The following PTPN18 variants were observed in gnomAD, a reference collection of about 807,000 sequenced individuals.
PTPN18 encodes the protein tyrosine-protein phosphatase non-receptor type 18.
PTPN18 carries 65 observed loss-of-function variants against 65.4 expected under a neutral mutation model. The ratio of observed to expected loss-of-function variants is 0.99; its 90% CI spans 0.81 to 1.22. PTPN18 has a LOEUF of 1.22. Among genes scored for constraint, PTPN18 ranks in the 50% most tolerant of loss-of-function variants. PTPN18 has a pLI of 0.00. For synonymous variants in PTPN18, 255 were observed against 267.8 expected (o/e 0.95, Z 0.47); for missense variants, 616 against 646.5 (o/e 0.95, Z 0.51).
chr2:130,371,142 C>G, intron 11 of PTPN18, 57 bp from the exon 12 acceptor site: 1 of 1,489,328 alleles, frequency 6.7e-7, no homozygotes, highest in Non-Finnish European at 9.3e-7. Context: ...CCCAGAGCCC[C>G]TTGAGAGGCC....
At chr2:130,369,300 C>A in intron 6 of PTPN18, 99 bp downstream of exon 6, 2 of 1,111,874 alleles carry the variant, frequency 1.8e-6, no homozygotes, top group South Asian at 2.7e-5. Context: ...ACTCATACTG[C>A]AGGAAACCCT....
chr2:130,373,316 G>A lies in PTPN18; in HGVS notation c.*92G>A. ...GCGCCGTGCGCAGAATGGAAACAGT[G>A]GGCCTGGATCAAAGTTAAAGTTTCT... On this transcript the variant is annotated 3_prime_UTR_variant, in exon 15 of 15. Transcript: ENST00000175756. The surrounding 1 kb of genome is among the most constrained non-coding windows in gnomAD (Gnocchi z 4.1). The A allele has an allele frequency of 4.7e-6, 6 of 1,266,036 alleles. No homozygotes were observed. Among genetic ancestry groups the A allele is most frequent in the East Asian group, 2.6e-5 (1 of 38,074 alleles). 78.4% of individuals were successfully genotyped at this position (1,266,036 alleles called of 1,614,324 possible). A position where few individuals can be genotyped will look rare whatever the true frequency, so the allele number is the denominator to read the frequency against.
At chr2:130,359,049 G>A (rs989401986) in intron 2 of PTPN18, 74 bp downstream of exon 2, 13 of 1,518,322 alleles carry the variant, frequency 8.6e-6, no homozygotes, top group Non-Finnish European at 1.2e-5. Flanking sequence ...GTGTGCACTG[G>A]AGTCACCCAC....
At position 130,372,339 on chromosome 2, in the gene PTPN18, G is replaced by T; in HGVS notation, c.1096G>T (p.Ala366Ser). ...VVQKRGAPAG[A>S]GSGTQTGTGT... ...GCAGAAGCGCGGGGCTCCAGCGGGC[G>T]CCGGGAGTGGGACGCAGACGGGGAC... The change falls in exon 13 of 15, where the codon GCC becomes TCC. Residue 366 changes from alanine (A) to serine (S), a missense_variant. Ala to Ser is a moderately conservative substitution (Grantham distance 99). Coordinates refer to ENST00000175756, the MANE Select transcript of PTPN18 (RefSeq NM_014369.4). 7.1e-6 allele frequency: 10 copies of T among 1,414,542 alleles called. No individual in the cohort carries two copies. The highest frequency in any genetic ancestry group is 8.2e-6 in the Non-Finnish European group (9 of 1,093,434). The allele number at this position is 1,414,542 out of a possible 1,614,324, so 87.6% of individuals were successfully genotyped here. A position where few individuals can be genotyped will look rare whatever the true frequency, so the allele number is the denominator to read the frequency against.
intron 1 of PTPN18, among the ~76,000 whole-genome samples, chr2:130,356,421 C>T (rs1679973066): frequency 6.6e-6 from 1 of 152,264 alleles, no homozygotes; most frequent in African/African-American, 2.4e-5. Flanking sequence ...CGTCCACGGC[C>T]AGGCCGGGAC....
chr2:130,361,658 G>A (rs571180471), intron 5 of PTPN18, among the ~76,000 whole-genome samples: 1 of 151,352 alleles, frequency 6.6e-6, no homozygotes, highest in Non-Finnish European at 1.5e-5. Context: ...CGCGATCTTG[G>A]CTCACTGCAA....
Position 130,372,377 on chromosome 2 carries a change from G to T in PTPN18, c.1134G>T (p.Thr378=). ...CGCAGACGGGGACGGGGACGGGGAC[G>T]GGGGCGCGCAGCGCGGAGGAGGCGC... ...SGTQTGTGTG[T]GARSAEEAPL... Residue 378 remains threonine, a synonymous_variant, in exon 13 of 15, where the codon ACG becomes ACT. Coordinates refer to ENST00000175756, the MANE Select transcript of PTPN18 (RefSeq NM_014369.4). The T allele has an allele frequency of 7.3e-7, 1 of 1,369,126 alleles. No homozygotes were observed. Among genetic ancestry groups the T allele is most frequent in the Non-Finnish European group, 9.4e-7 (1 of 1,066,938 alleles). The allele number at this position is 1,369,126 out of a possible 1,614,324, so 84.8% of individuals were successfully genotyped here.
At chr2:130,356,689 C>A (rs774811606) in intron 1 of PTPN18, 2 of 455,830 alleles carry the variant, frequency 4.4e-6, no homozygotes, top group East Asian at 1.4e-4. Context: ...GCGTCCGGGC[C>A]CGAATCCGCT....
At chr2:130,370,851 C>A (rs761229832) in intron 10 of PTPN18, 24 bp from the exon 11 acceptor site, 1 of 1,613,432 alleles carries the variant, frequency 6.2e-7, no homozygotes, top group African/African-American at 1.3e-5. Flanking sequence ...GCCTTCCCTT[C>A]TTGATGGTCC....
intron 5 of PTPN18, chr2:130,362,351 G>T: frequency 3.5e-6 from 1 of 285,508 alleles, no homozygotes; most frequent in Non-Finnish European, 6.9e-6. Context: ...CAATAATGTT[G>T]GGTTTAAACC....
intron 5 of PTPN18, among the ~76,000 whole-genome samples, chr2:130,361,441 T>C (rs1320246794): frequency 6.6e-6 from 1 of 152,188 alleles, no homozygotes; most frequent in African/African-American, 2.4e-5. Flanking sequence ...AATGACTCTT[T>C]ATTTGTTAAT....
In PTPN18 at chr2:130,358,881, C is replaced by T. The variant is rs1412222208; in HGVS notation, c.108C>T (p.Cys36=). The T allele has an allele frequency of 2.5e-6, 4 of 1,613,326 alleles. No homozygotes were observed. Among genetic ancestry groups the T allele is most frequent in the Middle Eastern group, 1.7e-4 (1 of 6,056 alleles). ...LAGEFSDIQA[C]SAAWKADGVC... ...TGCTCTACCAGGACATCCAGGCCTGCTCGGCCGCCTGGAAGGCTGACGGCG... is the reference window on the plus strand; with the variant it reads ...TGCTCTACCAGGACATCCAGGCCTGTTCGGCCGCCTGGAAGGCTGACGGCG... The change falls in exon 2 of 15, where the codon TGC becomes TGT. Residue 36 remains cysteine (C), a synonymous_variant. Coordinates refer to ENST00000175756, the MANE Select transcript of PTPN18 (RefSeq NM_014369.4).
rs1279636867 is a variant in PTPN18, at chr2:130,374,817, C to G, written c.*1593C>G. On this transcript the variant is annotated 3_prime_UTR_variant, in exon 15 of 15. Transcript: ENST00000175756. ...GCCTGGCTGCATCCATGGTCGATCT[C>G]AAGTGCCTTGGCATGAACTCCACTC... is the stretch of plus-strand genomic sequence containing the variant. The G allele has an allele frequency of 2.4e-6, 1 of 420,900 alleles. No homozygotes were observed. The highest frequency in any genetic ancestry group is 2.6e-5 in the Admixed American group (1 of 37,784). 26.1% of individuals were successfully genotyped at this position (420,900 alleles called of 1,614,324 possible).
chr2:130,372,256 G>T lies in PTPN18; in HGVS notation c.1014-1G>T. 1 of 1,573,540 alleles carries T rather than the reference G, an allele frequency of 6.4e-7. No individual in the cohort carries two copies. The highest frequency in any genetic ancestry group is 8.6e-7 in the Non-Finnish European group (1 of 1,168,202). On this transcript the variant is annotated splice_acceptor_variant, in intron 12 of 14. Coordinates refer to ENST00000175756, the MANE Select transcript of PTPN18 (RefSeq NM_014369.4). LOFTEE classifies it high-confidence loss of function. ...TTCCTCCCGGCCCTCCCTGCCTGCA[G>T]GAGCATCTCTGTGCCCGGGTCCCCG...
intron 5 of PTPN18, among the ~76,000 whole-genome samples, chr2:130,367,050 ATTTTTTTTTTTTTT>A (rs57039741): frequency 7.7e-5 from 8 of 104,214 alleles, no homozygotes; most frequent in Non-Finnish European, 1.1e-4. Context: ...GCTAATTTTA[ATTTTTTTTTTTTTT>A]TTTTTTTTTT....
Position 130,373,253 on chromosome 2 carries a change from C to G in PTPN18, c.*29C>G. The G allele has an allele frequency of 1.3e-6, 2 of 1,546,268 alleles. No individual in the cohort carries two copies. The highest frequency in any genetic ancestry group is 2.8e-5 in the African/African-American group (2 of 72,486). Reference sequence around the variant, plus strand: ...TAACGCCAGTTCCTGCCTGTTGCCTCTTGTGAGCTCGGACTGCTGATGCCC... The same window carrying G: ...TAACGCCAGTTCCTGCCTGTTGCCTGTTGTGAGCTCGGACTGCTGATGCCC... On this transcript the variant is annotated 3_prime_UTR_variant, in exon 15 of 15. Coordinates refer to ENST00000175756, the MANE Select transcript of PTPN18 (RefSeq NM_014369.4). This position sits in a 1 kb window ranked among gnomAD's most constrained non-coding sequence, Gnocchi z 4.1.
At chr2:130,360,737 C>G (rs939552721) in intron 5 of PTPN18, among the ~76,000 whole-genome samples, 1 of 152,050 alleles carries the variant, frequency 6.6e-6, no homozygotes, top group Admixed American at 6.5e-5. Flanking sequence ...GTCAGCCAAT[C>G]TTTGGACTAG....
intron 5 of PTPN18, among the ~76,000 whole-genome samples, chr2:130,365,526 T>G (rs1680353051): frequency 6.6e-6 from 1 of 152,264 alleles, no homozygotes; most frequent in Non-Finnish European, 1.5e-5. Flanking sequence ...TTTCCCATTC[T>G]GTGGGTTGTC....
At chr2:130,368,281 G>A (rs1680449983) in intron 5 of PTPN18, among the ~76,000 whole-genome samples, 2 of 152,116 alleles carry the variant, frequency 1.3e-5, no homozygotes, top group Non-Finnish European at 2.9e-5. Context: ...AAATTTTATT[G>A]GATGCTTGAT....
Sources: allele counts gnomAD v4.1 joint callset (sites outside exome capture counted in the v4.1 genomes callset), GRCh38; gene constraint gnomAD v4.1.1; non-coding constraint Gnocchi (gnomAD v3.1); transcripts MANE v1.5; gene names NCBI Gene and HGNC (gene_info 2026-07-23, HGNC 2026-07-21).